GRIA4: variants seen among roughly 807,000 people sequenced by gnomAD.
GRIA4 encodes the protein glutamate ionotropic receptor AMPA type subunit 4.
In GRIA4, 34 loss-of-function variants were observed where a neutral mutation model predicts 104.0. The observed-to-expected ratio is 0.33, with a 90% CI of 0.25 to 0.44. The LOEUF is 0.44. Ranked by LOEUF, GRIA4 falls within the 20% of genes least tolerant of loss-of-function variation. The pLI is 1.00. For missense variants in GRIA4, 750 were observed against 1,096.5 expected (o/e 0.68, Z 4.46); for synonymous variants, 386 against 381.9 (o/e 1.01, Z -0.13).
At chr11:105,664,675 C>A (rs184567633) in intron 3 of GRIA4, among the ~76,000 whole-genome samples, 260 of 151,956 alleles carry the variant, frequency 1.7e-3, no homozygotes, top group African/African-American at 6.1e-3. Context: ...CTAGTGTGAT[C>A]TAATTATTCT....
chr11:105,905,599 C>T (rs1036368697), intron 9 of GRIA4, among the ~76,000 whole-genome samples: 5 of 152,098 alleles, frequency 3.3e-5, no homozygotes, highest in Admixed American at 3.3e-4. Flanking sequence ...AAAATTGGCT[C>T]TGCAGAAGAG....
chr11:105,947,990 CAG>C (rs1412664888), intron 14 of GRIA4, among the ~76,000 whole-genome samples: 1 of 152,162 alleles, frequency 6.6e-6, no homozygotes, highest in East Asian at 1.9e-4. Flanking sequence ...CAACTATTTT[CAG>C]AGAGTAACAG....
At chr11:105,751,702 C>T (rs1940008809) in intron 3 of GRIA4, among the ~76,000 whole-genome samples, 1 of 152,130 alleles carries the variant, frequency 6.6e-6, no homozygotes, top group African/African-American at 2.4e-5. Flanking sequence ...ATTTTATTCA[C>T]TAAGACTTTT....
chr11:105,714,738 T>C (rs1294581853), intron 3 of GRIA4, among the ~76,000 whole-genome samples: 1 of 152,160 alleles, frequency 6.6e-6, no homozygotes, highest in East Asian at 1.9e-4. Context: ...TGTAAATTAA[T>C]TATACTGAAC....
At chr11:105,675,640 T>C (rs1952512415) in intron 3 of GRIA4, among the ~76,000 whole-genome samples, 1 of 151,822 alleles carries the variant, frequency 6.6e-6, no homozygotes, top group Non-Finnish European at 1.5e-5. Flanking sequence ...GGAGGCATTA[T>C]CCAGTTACTC....
At chr11:105,688,128 A>G (rs1042018004) in intron 3 of GRIA4, among the ~76,000 whole-genome samples, 1 of 77,320 alleles carries the variant, frequency 1.3e-5, no homozygotes, top group Non-Finnish European at 3.0e-5. Flanking sequence ...ATCTATATCT[A>G]TATCTATATC....
chr11:105,914,809 A>G (rs1947352676), intron 10 of GRIA4, among the ~76,000 whole-genome samples: 1 of 152,200 alleles, frequency 6.6e-6, no homozygotes, highest in African/African-American at 2.4e-5. Context: ...CCTTCTGATC[A>G]TTCCATTTTT....
In GRIA4 at chr11:105,613,573, A is replaced by T. The variant is rs541591943; in HGVS notation, c.247+1139A>T. 6 of 152,330 alleles carry T rather than the reference A, an allele frequency of 3.9e-5. No homozygotes were observed. The East Asian group carries it at 7.7e-4, about 20-fold the overall frequency. The allele number at this position is 152,330 out of a possible 1,614,324, so 9.4% of individuals were successfully genotyped here. On this transcript the variant is annotated intron_variant, in intron 3 of 16. Coordinates refer to ENST00000282499, the MANE Select transcript of GRIA4 (RefSeq NM_000829.4). The stretch of plus-strand genomic sequence containing the variant: ...GTACAAGAAAGTGTGCTGAACAAAG[A>T]AACAAGTGAAATTGAAAACAGAGTT...
intron 3 of GRIA4, among the ~76,000 whole-genome samples, chr11:105,646,441 A>T (rs1396945656): frequency 6.6e-6 from 1 of 152,144 alleles, no homozygotes; most frequent in Non-Finnish European, 1.5e-5. Flanking sequence ...AATAGTTAAA[A>T]ATTAGACAAT....
At chr11:105,967,699 A>G (rs978874809) in intron 14 of GRIA4, among the ~76,000 whole-genome samples, 6 of 50,124 alleles carry the variant, frequency 1.2e-4, no homozygotes, top group Admixed American at 2.8e-4. Flanking sequence ...ATGTGTTTGT[A>G]TACCAAAAAA....
At chr11:105,779,206 TCCAAGTCTTTGCTATTGTGAATAGTGC>T (rs1941597922) in intron 4 of GRIA4, among the ~76,000 whole-genome samples, 1 of 152,000 alleles carries the variant, frequency 6.6e-6, no homozygotes, top group South Asian at 2.1e-4. Context: ...TTGGGTTGGT[TCCAAGTCTTTGCTATTGTGAATAGTGC>T]GACATGAAGG....
chr11:105,662,009 G>GTGTGTGTA (rs1197259551), intron 3 of GRIA4, among the ~76,000 whole-genome samples: 1 of 151,176 alleles, frequency 6.6e-6, no homozygotes, highest in Admixed American at 6.6e-5. Flanking sequence ...GTGTGTGTTT[G>GTGTGTGTA]TGTGTGTGTG....
intron 4 of GRIA4, among the ~76,000 whole-genome samples, chr11:105,802,496 A>G (rs1942762787): frequency 6.6e-6 from 1 of 152,164 alleles, no homozygotes; most frequent in Admixed American, 6.6e-5. Context: ...AACTTTGGGC[A>G]CAAAATGAAG....
chr11:105,656,164 A>T (rs1182899142), intron 3 of GRIA4, among the ~76,000 whole-genome samples: 1 of 152,114 alleles, frequency 6.6e-6, no homozygotes, highest in Admixed American at 6.6e-5. Flanking sequence ...TCCTTTGCCT[A>T]CTTTTTGATG....
At chr11:105,766,479 T>A (rs780426334) in intron 4 of GRIA4, among the ~76,000 whole-genome samples, 9 of 152,188 alleles carry the variant, frequency 5.9e-5, no homozygotes, top group Non-Finnish European at 1.2e-4. Flanking sequence ...TGATATGAGC[T>A]TTGGACATTA....
At chr11:105,664,388 G>A (rs993710644) in intron 3 of GRIA4, among the ~76,000 whole-genome samples, 1 of 150,550 alleles carries the variant, frequency 6.6e-6, no homozygotes, top group African/African-American at 2.4e-5. Flanking sequence ...ATGAGAAAAA[G>A]GCATAAGAGA....
rs547674364 is a variant in GRIA4 at position 105,951,421 on chromosome 11, T to A, written c.2294+17452T>A. Among the ~76,000 whole-genome samples, 11 of 152,330 alleles carry A rather than the reference T, an allele frequency of 7.2e-5. No homozygotes were observed. The East Asian group carries it at 1.9e-3, about 27-fold the overall frequency. ...TTGAAAAATGAATGCTATTCAGAGA[T>A]AACTTGAAGAACTTCACTAGCTAGG... On this transcript the variant is annotated intron_variant, in intron 14 of 16. Coordinates refer to ENST00000282499, the MANE Select transcript of GRIA4 (RefSeq NM_000829.4).
rs536663715 is a variant in GRIA4, at chr11:105,757,448, A to C, written c.487+4228A>C. On this transcript the variant is annotated intron_variant, in intron 4 of 16. Coordinates refer to ENST00000282499, the MANE Select transcript of GRIA4 (RefSeq NM_000829.4). Reference sequence around the variant, plus strand: ...ATTGATATGAAACTAAAACAAGGGTAGTCAAAGGAAGAAGAAAGCAGAGCA... The same window carrying C: ...ATTGATATGAAACTAAAACAAGGGTCGTCAAAGGAAGAAGAAAGCAGAGCA... 1.8e-4 allele frequency among the ~76,000 whole-genome samples: 27 copies of C among 152,302 alleles called. No individual in the cohort carries two copies. The South Asian group carries it at 5.4e-3, about 30-fold the overall frequency.
At chr11:105,647,352 A>C (rs773497834) in intron 3 of GRIA4, among the ~76,000 whole-genome samples, 12 of 152,140 alleles carry the variant, frequency 7.9e-5, no homozygotes, top group African/African-American at 1.2e-4. Flanking sequence ...TGGGAGTGTA[A>C]ATTATTTCAG....
Sources: gnomAD v4.1 joint callset for allele counts (sites outside exome capture counted in the v4.1 genomes callset) on GRCh38, gnomAD v4.1.1 for gene constraint, MANE v1.5 for transcripts, NCBI Gene and HGNC (gene_info 2026-07-23, HGNC 2026-07-21) for gene names.